VPS53: variants seen among roughly 807,000 people sequenced by gnomAD.
VPS53 encodes the protein vacuolar protein sorting-associated protein 53 homolog.
VPS53 carries 70 observed loss-of-function variants against 107.0 expected under a neutral mutation model. The ratio of observed to expected loss-of-function variants is 0.65; its 90% confidence interval spans 0.54 to 0.80. VPS53 has a LOEUF of 0.80. Ranked by LOEUF, VPS53 falls within the 30% of genes least tolerant of loss-of-function variation. The pLI, the probability that VPS53 is intolerant of heterozygous loss-of-function variation, is 0.00. For synonymous variants in VPS53, 409 were observed against 393.3 expected (o/e 1.04, Z -0.47); for missense variants, 917 against 1,049.4 (o/e 0.87, Z 1.74).
chr17:577,730 A>G lies in VPS53; in HGVS notation c.1313+8540T>C, dbSNP rs1567642645. Among the ~76,000 whole-genome samples, 2 of 151,770 alleles carry G rather than the reference A, an allele frequency of 1.3e-5. 1 individual carries two copies. Among genetic ancestry groups the G allele is most frequent in the East Asian group, 3.9e-4 (2 of 5,126 alleles). ...TCCTAAGCACGTAATTCATTCCCAGAGAACTTCCCCCAGAACCTAATGCGT... is the reference window on the plus strand; with the variant it reads ...TCCTAAGCACGTAATTCATTCCCAGGGAACTTCCCCCAGAACCTAATGCGT... On this transcript the variant is annotated intron_variant, in intron 13 of 21. Coordinates refer to ENST00000437048, the MANE Select transcript of VPS53 (RefSeq NM_001128159.3).
In VPS53 at chr17:524,875, G is replaced by A. The variant is rs1408965443; in HGVS notation, c.2086-3137C>T. ...TGACAGTAGAAGTTAGTTCAAGCAC[G>A]TTGGGGGAAATTTAGCAACATTTCC... is the stretch of plus-strand genomic sequence containing the variant. On this transcript the variant is annotated intron_variant, in intron 19 of 21. Coordinates refer to ENST00000437048, the MANE Select transcript of VPS53 (RefSeq NM_001128159.3). This position sits in a 1 kb window ranked among gnomAD's most constrained non-coding sequence, Gnocchi z 4.5. 1.3e-5 allele frequency among the ~76,000 whole-genome samples: 2 copies of A among 152,214 alleles called. No homozygotes were observed. Among genetic ancestry groups the A allele is most frequent in the African/African-American group, 2.4e-5 (1 of 41,454 alleles).
chr17:588,339 A>T (rs1238185693), intron 12 of VPS53, among the ~76,000 whole-genome samples: 1 of 151,456 alleles, frequency 6.6e-6, no homozygotes, highest in Non-Finnish European at 1.5e-5. Flanking sequence ...ACAAACAAAC[A>T]AAAAAGAATA....
intron 13 of VPS53, among the ~76,000 whole-genome samples, chr17:580,909 G>A (rs533611018): frequency 1.6e-4 from 24 of 146,832 alleles, no homozygotes; most frequent in African/African-American, 5.6e-4. Context: ...ACCTCTACGC[G>A]TTCCCAGAGA....
chr17:689,464 ATTTTTTTTTT>A (rs1184638230), intron 4 of VPS53, among the ~76,000 whole-genome samples: 3 of 111,642 alleles, frequency 2.7e-5, no homozygotes, highest in Non-Finnish European at 5.2e-5. Flanking sequence ...TGCTGGACTA[ATTTTTTTTTT>A]TTTTTTTTTT....
At chr17:662,858 G>A (rs755347126) in intron 4 of VPS53, among the ~76,000 whole-genome samples, 6,936 of 86,886 alleles carry the variant, frequency 0.08, 275 homozygotes, top group Non-Finnish European at 0.13. Context: ...AGGAAGGAAG[G>A]AAGGAAGGAA....
chr17:654,801 G>A (rs1370579082), intron 6 of VPS53, among the ~76,000 whole-genome samples: 1 of 151,222 alleles, frequency 6.6e-6, no homozygotes, highest in Non-Finnish European at 1.5e-5. Context: ...GTGTTCCGTT[G>A]CTACCACCAC....
Position 548,288 on chromosome 17 carries a change from C to G in VPS53, c.1866+3584G>C, listed in dbSNP as rs549164765. 2.8e-3 allele frequency among the ~76,000 whole-genome samples: 430 copies of G among 152,362 alleles called. 7 individuals are homozygous for G. The highest frequency in any genetic ancestry group is 7.2e-4 in the Non-Finnish European group (49 of 68,038). On this transcript the variant is annotated intron_variant, in intron 17 of 21. Coordinates refer to ENST00000437048, the MANE Select transcript of VPS53 (RefSeq NM_001128159.3). ...CAGGAAAATGACTTAACCAAGTTGC[C>G]AGGCTCAATCCCTCTTGTCAAGGAA...
intron 4 of VPS53, chr17:676,456 T>C (rs1014069159): frequency 6.6e-6 from 1 of 152,216 alleles, no homozygotes; most frequent in African/African-American, 2.4e-5. Context: ...TTCTAACTAC[T>C]AGCAATCAAA....
chr17:561,082 G>A (rs75086174), intron 14 of VPS53, among the ~76,000 whole-genome samples: 7 of 151,536 alleles, frequency 4.6e-5, no homozygotes, highest in East Asian at 1.9e-4. Flanking sequence ...ACTGGGACTC[G>A]TGTGTGCTGG....
At chr17:552,736 G>C (rs1011468286) in intron 16 of VPS53, 12 of 197,306 alleles carry the variant, frequency 6.1e-5, no homozygotes, top group Non-Finnish European at 1.2e-4. Context: ...TAAGCTAAAA[G>C]AGCAACTGCA....
intron 11 of VPS53, among the ~76,000 whole-genome samples, chr17:611,599 T>C (rs536498825): frequency 2.0e-5 from 3 of 152,356 alleles, no homozygotes; most frequent in East Asian, 3.9e-4. Context: ...CTCACAAGAA[T>C]AGGAAACACG....
chr17:606,677 C>T lies in VPS53; in HGVS notation c.1117-4781G>A, dbSNP rs114234154. On this transcript the variant is annotated intron_variant, in intron 11 of 21. Transcript: ENST00000437048. ...CTGTTAGCAACCAGGCTGCATATCA[C>T]GAGGTGAGCAGCAGTGAGTGAGCAT... 3.7e-3 allele frequency among the ~76,000 whole-genome samples: 564 copies of T among 152,240 alleles called. 2 individuals carry two copies. Among genetic ancestry groups the T allele is most frequent in the African/African-American group, 0.011 (465 of 41,528 alleles).
At chr17:635,652 G>A (rs910620142) in intron 7 of VPS53, among the ~76,000 whole-genome samples, 37 of 152,212 alleles carry the variant, frequency 2.4e-4, no homozygotes, top group African/African-American at 8.7e-4. Context: ...ATTAAATAGG[G>A]AATCCTTTCC....
chr17:658,692 C>A (rs888715339), intron 5 of VPS53, among the ~76,000 whole-genome samples: 1 of 150,118 alleles, frequency 6.7e-6, no homozygotes, highest in Non-Finnish European at 1.5e-5. Flanking sequence ...AAGTGAGACA[C>A]TCGGCCGTGA....
Position 582,298 on chromosome 17 carries a change from G to A in VPS53, c.1313+3972C>T, listed in dbSNP as rs569045983. Among the ~76,000 whole-genome samples the A allele has an allele frequency of 8.2e-5, 12 of 146,458 alleles. 2 individuals carry two copies. In the Admixed American group the frequency reaches 8.4e-4, roughly 10 times the overall value. ...CCCTCAAAACCTCAGTGTGTTCCCA[G>A]AGAACCTCCCTGAGGACCTAATGCA... On this transcript the variant is annotated intron_variant, in intron 13 of 21. Transcript: ENST00000437048.
intron 7 of VPS53, among the ~76,000 whole-genome samples, chr17:634,741 C>T (rs1970119524): frequency 6.6e-6 from 1 of 152,034 alleles, no homozygotes; most frequent in Admixed American, 6.6e-5. Flanking sequence ...TTTTTTATGG[C>T]TGCATAGTAT....
intron 12 of VPS53, among the ~76,000 whole-genome samples, chr17:598,120 C>T (rs946877403): frequency 6.6e-6 from 1 of 152,220 alleles, no homozygotes; most frequent in Non-Finnish European, 1.5e-5. Flanking sequence ...TGCAGGCTCG[C>T]GCCGCCACAC....
chr17:614,939 T>C (rs139737266), intron 11 of VPS53, among the ~76,000 whole-genome samples: 2 of 152,142 alleles, frequency 1.3e-5, no homozygotes, highest in African/African-American at 4.8e-5. Flanking sequence ...ATTTTATTAC[T>C]ACAAAAAAAA....
chr17:615,841 C>T (rs769982256), intron 11 of VPS53, among the ~76,000 whole-genome samples: 3 of 152,204 alleles, frequency 2.0e-5, no homozygotes, highest in Non-Finnish European at 2.9e-5. Flanking sequence ...GTCAGGACAG[C>T]TGGAACTCCT....
Sources: gnomAD v4.1 joint callset for allele counts (sites outside exome capture counted in the v4.1 genomes callset) on GRCh38, gnomAD v4.1.1 for gene constraint, Gnocchi (gnomAD v3.1) non-coding constraint, MANE v1.5 for transcripts, NCBI Gene and HGNC (gene_info 2026-07-23, HGNC 2026-07-21) for gene names.